The following UPRT variants were observed in gnomAD, a reference collection of about 807,000 sequenced individuals.
UPRT encodes the protein uracil phosphoribosyltransferase homolog, also known as RP11-311P8.3.
In UPRT, 5 loss-of-function variants were observed where a neutral mutation model predicts 22.6. That is an observed-to-expected ratio of 0.22 (90% CI 0.12 to 0.47). The LOEUF (loss-of-function observed/expected upper bound fraction) is 0.47. Among genes scored for constraint, UPRT ranks in the 20% least tolerant of loss-of-function variants. The probability of loss-of-function intolerance (pLI) is 0.99; values close to 1 mark genes in which losing one functional copy is unlikely to be tolerated. For missense variants in UPRT, 181 were observed against 239.9 expected (o/e 0.75, Z 1.62); for synonymous variants, 77 against 87.7 (o/e 0.88, Z 0.68).
intron 6 of UPRT, among the ~76,000 whole-genome samples, chrX:75,302,000 T>C (rs1487076438): frequency 2.7e-5 from 3 of 112,089 alleles, no homozygotes; most frequent in Non-Finnish European, 5.6e-5. Flanking sequence ...TTTTCAAATG[T>C]TCTACAATGA....
chrX:75,225,687 C>G (rs2082422174), intron 4 of UPRT, among the ~76,000 whole-genome samples: 2 of 111,635 alleles, frequency 1.8e-5, no homozygotes, highest in Non-Finnish European at 3.8e-5. Flanking sequence ...GTTTTTTAAA[C>G]AATTGTCACC....
At chrX:75,273,260 TACA>T (rs2082617639), upstream of UPRT, among the ~76,000 whole-genome samples, 1 of 109,887 alleles carries the variant, frequency 9.1e-6, no homozygotes, top group Non-Finnish European at 1.9e-5. Context: ...AAATAATCTT[TACA>T]ACAAGCCCCC....
At chrX:75,175,600 G>C (rs953743676) in intron 4 of UPRT, among the ~76,000 whole-genome samples, 2 of 112,134 alleles carry the variant, frequency 1.8e-5, no homozygotes, top group African/African-American at 3.2e-5. Context: ...CCTCAGTCCT[G>C]TTGTTGGATC....
At chrX:75,241,597 CATT>C (rs1249603093) in intron 4 of UPRT, among the ~76,000 whole-genome samples, 1 of 111,462 alleles carries the variant, frequency 9.0e-6, no homozygotes, top group Non-Finnish European at 1.9e-5. Flanking sequence ...AAAAAGAAGT[CATT>C]ATATAAAAAA....
chrX:75,272,355 T>TA (rs2082613439), upstream of UPRT, among the ~76,000 whole-genome samples: 1 of 93,017 alleles, frequency 1.1e-5, no homozygotes, highest in Non-Finnish European at 2.1e-5. Flanking sequence ...CACATATATA[T>TA]ATGTGTATAT....
At chrX:75,264,579 G>T (rs1472883766) in intron 4 of UPRT, among the ~76,000 whole-genome samples, 2 of 111,449 alleles carry the variant, frequency 1.8e-5, no homozygotes, top group Admixed American at 9.6e-5. Flanking sequence ...TTGCTTGGTA[G>T]AACTTCCTCC....
At chrX:75,262,934 T>C (rs2082573679) in intron 4 of UPRT, among the ~76,000 whole-genome samples, 1 of 111,440 alleles carries the variant, frequency 9.0e-6, no homozygotes, top group Non-Finnish European at 1.9e-5. Context: ...GGACTTGAAC[T>C]CAGCTCTGGA....
intron 4 of UPRT, among the ~76,000 whole-genome samples, chrX:75,192,175 A>G (rs1250509441): frequency 2.7e-5 from 3 of 111,596 alleles, no homozygotes; most frequent in Non-Finnish European, 5.7e-5. Context: ...TTTTCTTATC[A>G]GTTTCAAAGA....
At chrX:75,267,302 C>T (rs1437964065) in intron 4 of UPRT, among the ~76,000 whole-genome samples, 1 of 111,683 alleles carries the variant, frequency 9.0e-6, no homozygotes, top group East Asian at 2.8e-4. Context: ...TGGAAACCAT[C>T]ATTCTCAGCA....
At chrX:75,201,665 C>T (rs2082347590) in intron 4 of UPRT, 1 of 115,506 alleles carries the variant, frequency 8.7e-6, no homozygotes, top group South Asian at 3.3e-4. Context: ...GTGCTGGCTG[C>T]TGTGCCTTCA....
intron 1 of UPRT, among the ~76,000 whole-genome samples, chrX:75,280,729 G>A (rs1297452341): frequency 1.8e-5 from 2 of 111,321 alleles, no homozygotes; most frequent in Non-Finnish European, 3.8e-5. Flanking sequence ...TGTTCTTTCT[G>A]CTTAGTCTTG....
At chrX:75,218,206 C>A (rs2082399116) in intron 4 of UPRT, among the ~76,000 whole-genome samples, 1 of 110,972 alleles carries the variant, frequency 9.0e-6, no homozygotes, top group Non-Finnish European at 1.9e-5. Context: ...AAACAAACAA[C>A]CCCATCAAAA....
chrX:75,233,524 G>C (rs190463161), intron 4 of UPRT, among the ~76,000 whole-genome samples: 346 of 110,045 alleles, frequency 3.1e-3, no homozygotes, highest in Middle Eastern at 0.023. Flanking sequence ...AAATGTGAAG[G>C]GCAGCCAGAG....
chrX:75,192,367 G>A (rs1282366753), intron 4 of UPRT, among the ~76,000 whole-genome samples: 1 of 110,168 alleles, frequency 9.1e-6, no homozygotes, highest in African/African-American at 3.3e-5. Flanking sequence ...GCTGAGGATT[G>A]TTTTATTCCT....
intron 1 of UPRT, among the ~76,000 whole-genome samples, chrX:75,286,873 C>T (rs1249969772): frequency 9.0e-6 from 1 of 111,389 alleles, no homozygotes. Context: ...CCTCACTGTT[C>T]TCATTGCTAA....
At chrX:75,198,338 T>C (rs1277322853) in intron 4 of UPRT, among the ~76,000 whole-genome samples, 2 of 112,386 alleles carry the variant, frequency 1.8e-5, no homozygotes, top group Non-Finnish European at 3.8e-5. Flanking sequence ...AAATGTCAAA[T>C]AGCTCGATAG....
chrX:75,178,068 G>A (rs901036724), intron 4 of UPRT, among the ~76,000 whole-genome samples: 4 of 112,108 alleles, frequency 3.6e-5, no homozygotes, highest in African/African-American at 9.7e-5. Context: ...ACATGTTGTC[G>A]GGACCCCGGA....
chrX:75,262,609 GC>G (rs987958128), intron 4 of UPRT, among the ~76,000 whole-genome samples: 3 of 110,015 alleles, frequency 2.7e-5, no homozygotes, highest in African/African-American at 9.9e-5. Flanking sequence ...CAAATGGAAA[GC>G]AAAACAAACA....
chrX:75,274,529 C>T lies in UPRT; in HGVS notation c.275C>T (p.Ala92Val). The T allele has an allele frequency of 8.3e-7, 1 of 1,211,741 alleles. No individual in the cohort carries two copies. The highest frequency in any genetic ancestry group is 1.8e-5 in the South Asian group (1 of 56,903). The change falls in exon 1 of 7, where the codon GCT becomes GTT. Residue 92 changes from alanine to valine, a missense_variant. Physicochemically the swap from Ala to Val is moderately conservative, Grantham distance 64. This residue lies in a region of UPRT where 111 missense variants were observed against 102.8 expected (regional missense o/e 1.08). Transcript: ENST00000373383. ...SGDSSSYDAP[A>V]GNSFLEDCEL... The stretch of plus-strand genomic sequence containing the variant: ...GACAGTAGCAGCTATGACGCACCAG[C>T]TGGCAACTCCTTCCTAGAGGACTGC...
Sources: allele counts gnomAD v4.1 joint callset (sites outside exome capture counted in the v4.1 genomes callset), GRCh38; gene constraint gnomAD v4.1.1; regional missense constraint gnomAD v4.1.1; transcripts MANE v1.5; gene names NCBI Gene and HGNC (gene_info 2026-07-23, HGNC 2026-07-21).